The following MAPK10 variants were observed in gnomAD, a reference collection of about 807,000 sequenced individuals.
MAPK10 encodes JNK3 alpha protein kinase.
Under a neutral mutation model 59.3 loss-of-function variants are expected in MAPK10, and 25 were observed. That is an observed-to-expected ratio of 0.42 (90% confidence interval 0.31 to 0.59). The LOEUF (loss-of-function observed/expected upper bound fraction) is 0.59. MAPK10 is among the 20% of genes least tolerant of loss of function. The pLI is 0.15. For synonymous variants in MAPK10, 190 were observed against 200.5 expected (o/e 0.95, Z 0.44); for missense variants, 351 against 568.9 (o/e 0.62, Z 3.90).
chr4:86,575,958 T>C (rs907363821), intron 1 of MAPK10, among the ~76,000 whole-genome samples: 8 of 151,522 alleles, frequency 5.3e-5, no homozygotes, highest in African/African-American at 1.9e-4. Context: ...AGAGAAGATA[T>C]TGTATGCTAG....
chr4:86,358,713 A>G (rs1461062998), intron 1 of MAPK10: 1 of 152,226 alleles, frequency 6.6e-6, no homozygotes, highest in Non-Finnish European at 1.5e-5. Flanking sequence ...TGTAATATCT[A>G]TAGCCTGATT....
At chr4:86,451,504 G>A (rs768818149) in intron 1 of MAPK10, among the ~76,000 whole-genome samples, 1 of 152,188 alleles carries the variant, frequency 6.6e-6, no homozygotes, top group Non-Finnish European at 1.5e-5. Context: ...ACTACTTTAA[G>A]TTGACTTCCC....
intron 1 of MAPK10, among the ~76,000 whole-genome samples, chr4:86,528,390 G>C (rs1342222552): frequency 6.6e-6 from 1 of 151,588 alleles, no homozygotes; most frequent in African/African-American, 2.4e-5. Flanking sequence ...GAGAGGACCA[G>C]AAAAGAAAAC....
chr4:86,336,784 C>CTT (rs70948788), intron 2 of MAPK10, among the ~76,000 whole-genome samples: 1,606 of 83,092 alleles, frequency 0.019, 34 homozygotes, highest in African/African-American at 0.022. Context: ...GGAATGACTC[C>CTT]TTTTTTTTTT....
At chr4:86,529,135 G>A (rs574707329) in intron 1 of MAPK10, among the ~76,000 whole-genome samples, 1 of 152,348 alleles carries the variant, frequency 6.6e-6, no homozygotes, top group Non-Finnish European at 1.5e-5. Context: ...GCTCTCTGCA[G>A]TTGATGGTAA....
intron 2 of MAPK10, among the ~76,000 whole-genome samples, chr4:86,205,616 A>C (rs1225704955): frequency 6.6e-6 from 1 of 151,990 alleles, no homozygotes; most frequent in Admixed American, 6.6e-5. Flanking sequence ...TAATACAGAA[A>C]ACCAAGTAGA....
intron 1 of MAPK10, among the ~76,000 whole-genome samples, chr4:86,401,605 C>T (rs1186179411): frequency 5.9e-5 from 9 of 152,046 alleles, no homozygotes; most frequent in Admixed American, 4.6e-4. Flanking sequence ...ACTTTGGCCA[C>T]CTGGAAGCTT....
chr4:86,204,102 G>T (rs940631931), intron 2 of MAPK10, among the ~76,000 whole-genome samples: 8 of 151,804 alleles, frequency 5.3e-5, no homozygotes, highest in African/African-American at 1.9e-4. Context: ...ATCGTGAGAG[G>T]AACTGCATAA....
At chr4:86,117,429 T>G (rs1290338031) in intron 4 of MAPK10, 1 of 152,234 alleles carries the variant, frequency 6.6e-6, no homozygotes, top group African/African-American at 2.4e-5. Flanking sequence ...AGGACCAGTG[T>G]TGAGTTCAGG....
chr4:86,494,637 A>G (rs538619282), intron 1 of MAPK10, among the ~76,000 whole-genome samples: 4 of 151,990 alleles, frequency 2.6e-5, no homozygotes, highest in African/African-American at 9.7e-5. Flanking sequence ...CGAGGTCAAG[A>G]GATTGAGACC....
chr4:86,530,103 CTCTA>C (rs1413899509), intron 1 of MAPK10, among the ~76,000 whole-genome samples: 1 of 144,144 alleles, frequency 6.9e-6, no homozygotes, highest in Non-Finnish European at 1.5e-5. Context: ...GACTTCCTGG[CTCTA>C]TCTGAGATCC....
rs369184374 is a variant in MAPK10 at position 86,012,635 on chromosome 4, A to G, written c.*4593T>C. The G allele has an allele frequency of 6.6e-6, 1 of 152,214 alleles. No individual in the cohort carries two copies. Among genetic ancestry groups the G allele is most frequent in the South Asian group, 2.1e-4 (1 of 4,830 alleles). The allele number at this position is 152,214 out of a possible 1,614,324, so 9.4% of individuals were successfully genotyped here. On this transcript the variant is annotated 3_prime_UTR_variant, in exon 14 of 14. Coordinates refer to ENST00000641462, the MANE Select transcript of MAPK10 (RefSeq NM_138982.4). ...TTGTTCCACAGACATTTTGAAAATA[A>G]AAGAAGACAAAATAGAAAGGAAAGG...
In MAPK10 at chr4:86,103,166, T is replaced by C. The variant is rs1561726178; in HGVS notation, c.425+20A>G. 6.3e-6 allele frequency: 10 copies of C among 1,590,368 alleles called. No homozygotes were observed. The highest frequency in any genetic ancestry group is 8.6e-6 in the Non-Finnish European group (10 of 1,161,582). ...TCTGAGTGCTGTGCTCTCCCTTCCT[T>C]CATGAGTTTTGTTACTTACACATCT... On this transcript the variant is annotated intron_variant, in intron 6 of 13. Coordinates refer to ENST00000641462, the MANE Select transcript of MAPK10 (RefSeq NM_138982.4).
At chr4:86,264,480 C>G (rs1487531647) in intron 2 of MAPK10, among the ~76,000 whole-genome samples, 9 of 152,280 alleles carry the variant, frequency 5.9e-5, no homozygotes, top group African/African-American at 2.2e-4. Context: ...GCCTTATAGG[C>G]TGAATAGCTG....
intron 1 of MAPK10, among the ~76,000 whole-genome samples, chr4:86,503,733 T>C (rs1755498224): frequency 6.6e-6 from 1 of 152,148 alleles, no homozygotes; most frequent in Admixed American, 6.6e-5. Context: ...CTGATTTAAA[T>C]CCTCCAATGG....
At chr4:86,349,057 GAAC>G (rs1387876277) in intron 2 of MAPK10, among the ~76,000 whole-genome samples, 1 of 152,120 alleles carries the variant, frequency 6.6e-6, no homozygotes, top group East Asian at 1.9e-4. Context: ...AAAAATGACA[GAAC>G]AACAGTTTGT....
chr4:86,066,744 C>T (rs1267071698), intron 10 of MAPK10, among the ~76,000 whole-genome samples: 1 of 102,276 alleles, frequency 9.8e-6, no homozygotes, highest in South Asian at 3.3e-4. Flanking sequence ...CAGAGCGAGA[C>T]TCTGTCTCAA....
At chr4:86,290,654 G>A (rs2095193776) in intron 2 of MAPK10, among the ~76,000 whole-genome samples, 1 of 152,124 alleles carries the variant, frequency 6.6e-6, no homozygotes. Flanking sequence ...GACTTTGTCA[G>A]TACTTAGAAT....
intron 9 of MAPK10, among the ~76,000 whole-genome samples, chr4:86,070,561 T>A (rs2047689875): frequency 9.0e-6 from 1 of 111,340 alleles, no homozygotes; most frequent in African/African-American, 3.5e-5. Context: ...CCCACCACAG[T>A]CCCCAGAGTG....
Sources: allele counts gnomAD v4.1 joint callset (sites outside exome capture counted in the v4.1 genomes callset), GRCh38; gene constraint gnomAD v4.1.1; transcripts MANE v1.5; gene names NCBI Gene and HGNC (gene_info 2026-07-23, HGNC 2026-07-21).